The following OR11G2 variants were observed in gnomAD, a reference collection of about 807,000 sequenced individuals.
OR11G2 encodes the protein olfactory receptor 11G2.
In OR11G2, 2 loss-of-function variants were observed where a neutral mutation model predicts 0.9. That is an observed-to-expected ratio of 2.35 (90% CI 0.96 to 7.38). The LOEUF (loss-of-function observed/expected upper bound fraction) is 7.38, where lower values mean the gene tolerates loss of function less well. Ranked by LOEUF, OR11G2 falls within the 30% of genes most tolerant of loss-of-function variation. The pLI is 0.05. For missense variants in OR11G2, 395 were observed against 371.3 expected, an observed-to-expected ratio of 1.06 and a Z score of -0.52; for synonymous variants, 153 against 142.0, an observed-to-expected ratio of 1.08 and a Z score of -0.55.
chr14:20,197,733 C>A lies in OR11G2; in HGVS notation c.296C>A (p.Ser99Tyr), dbSNP rs2139113784. The part of the protein sequence containing the change: ...FLSDTKIISF[S>Y]GCFLQFYFFF... The stretch of plus-strand genomic sequence containing the variant: ...TCTGACACCAAGATCATCTCGTTCT[C>A]TGGCTGCTTCCTCCAGTTCTACTTT... The change falls in exon 2 of 2, where the codon TCT becomes TAT. Residue 99 changes from serine to tyrosine, a missense_variant. Ser to Tyr is a moderately radical substitution (Grantham distance 144). Transcript: ENST00000641879. The A allele has an allele frequency of 5.6e-6, 9 of 1,613,886 alleles. No individual in the cohort carries two copies. Among genetic ancestry groups the A allele is most frequent in the Non-Finnish European group, 7.6e-6 (9 of 1,179,982 alleles).
chr14:20,192,433 A>G (rs1298125289), intron 1 of OR11G2, among the ~76,000 whole-genome samples: 1 of 152,236 alleles, frequency 6.6e-6, no homozygotes, highest in Non-Finnish European at 1.5e-5. Context: ...ATTTCCCTCT[A>G]GCTCTGTCCT....
chr14:20,197,507 C>T lies in OR11G2; in HGVS notation c.70C>T (p.Pro24Ser). The change falls in exon 2 of 2, where the codon CCC (proline) becomes TCC (serine). Residue 24 changes from proline to serine, a missense_variant. Coordinates refer to ENST00000641879, the MANE Select transcript of OR11G2 (RefSeq NM_001386033.1). ...CTTCATCCTCCTGGGCTTCCCTTGC[C>T]CCAGGGAGGGGCAGATCCTCCTCTT... ...TGFILLGFPCPREGQILLFVL... is the reference protein window; with the variant it reads ...TGFILLGFPCSREGQILLFVL... 2 of 1,614,046 alleles carry T rather than the reference C, an allele frequency of 1.2e-6. No homozygotes were observed. The highest frequency in any genetic ancestry group is 4.5e-5 in the East Asian group (2 of 44,874).
At chr14:20,192,920 C>G (rs962171479) in intron 1 of OR11G2, among the ~76,000 whole-genome samples, 7 of 152,038 alleles carry the variant, frequency 4.6e-5, no homozygotes, top group Non-Finnish European at 8.8e-5. Context: ...GAAGGGTGTA[C>G]ATGTTATGTG....
intron 1 of OR11G2, among the ~76,000 whole-genome samples, chr14:20,196,847 C>T (rs1330989197): frequency 1.3e-5 from 2 of 152,190 alleles, no homozygotes; most frequent in African/African-American, 4.8e-5. Flanking sequence ...ATTGATTTGA[C>T]TGTGTTACTC....
At chr14:20,197,277 A>G in intron 1 of OR11G2, 157 bp from the exon 2 acceptor site, 1 of 923,754 alleles carries the variant, frequency 1.1e-6, no homozygotes, top group Non-Finnish European at 1.6e-6. Flanking sequence ...AAAAAAAGTG[A>G]CTATTGACAT....
Position 20,198,573 on chromosome 14 carries a change from C to CA in OR11G2, c.*206dup, listed in dbSNP as rs1280520819. On this transcript the variant is annotated 3_prime_UTR_variant, in exon 2 of 2. Transcript: ENST00000641879. ...GAAACCCTGTCTCTACTAAAAAATA[C>CA]AAAAAATTAGCCGGGCGTGGTGGCG... The CA allele has an allele frequency of 2.8e-5, 10 of 352,938 alleles. No individual in the cohort carries two copies. The East Asian group carries it at 4.7e-4, about 17-fold the overall frequency. The allele number at this position is 352,938 out of a possible 1,614,324, so 21.9% of individuals were successfully genotyped here.
intron 1 of OR11G2, among the ~76,000 whole-genome samples, chr14:20,194,462 C>A (rs1566352691): frequency 6.6e-6 from 1 of 152,102 alleles, no homozygotes; most frequent in Non-Finnish European, 1.5e-5. Context: ...GAAGGAGATA[C>A]TACATTGAAA....
Position 20,198,301 on chromosome 14 carries a change from G to A in OR11G2, c.864G>A (p.Leu288=), listed in dbSNP as rs2139115987. Residue 288 remains leucine (L), a synonymous_variant, in exon 2 of 2, where the codon CTG becomes CTA. Transcript: ENST00000641879. The stretch of plus-strand genomic sequence containing the variant: ...TGTTTTATTCTGTTGTTACCCCACT[G>A]CTTAACCCTGTGATATATAGTCTTA... ...VTLFYSVVTP[L]LNPVIYSLRN... is the part of the protein sequence containing the mutation. 6.2e-7 allele frequency: 1 copy of A among 1,612,582 alleles called. No homozygotes were observed. The highest frequency in any genetic ancestry group is 2.2e-5 in the East Asian group (1 of 44,878).
intron 1 of OR11G2, among the ~76,000 whole-genome samples, chr14:20,192,619 CTT>C (rs1879675680): frequency 6.6e-6 from 1 of 152,192 alleles, no homozygotes; most frequent in African/African-American, 2.4e-5. Flanking sequence ...TGAAGTCTCT[CTT>C]ATATATTTCA....
rs1426311821 is a variant in OR11G2 at position 20,197,859 on chromosome 14, C to A, written c.422C>A (p.Thr141Asn). The change falls in exon 2 of 2, where the codon ACC (threonine) becomes AAC (asparagine). Residue 141 changes from threonine to asparagine, a missense_variant. By Grantham distance (65) the Thr-to-Asn change is moderately conservative. Transcript: ENST00000641879. The stretch of plus-strand genomic sequence containing the variant: ...CCTCTACGCTATCCAACCATTATGA[C>A]CAGACGTCTCTGTACCAATCTTGTG... Reference protein sequence around the residue: ...CRPLRYPTIMTRRLCTNLVVN... With the variant: ...CRPLRYPTIMNRRLCTNLVVN... The A allele has an allele frequency of 6.2e-7, 1 of 1,614,112 alleles. No homozygotes were observed. Among genetic ancestry groups the A allele is most frequent in the South Asian group, 1.1e-5 (1 of 91,066 alleles).
At chr14:20,197,267 A>C in intron 1 of OR11G2, 167 bp from the exon 2 acceptor site, 1 of 883,164 alleles carries the variant, frequency 1.1e-6, no homozygotes, top group Non-Finnish European at 1.7e-6. Flanking sequence ...AGTTTAAAAG[A>C]AAAAAAGTGA....
intron 1 of OR11G2, among the ~76,000 whole-genome samples, chr14:20,195,767 T>C (rs1879739316): frequency 6.6e-6 from 1 of 152,194 alleles, no homozygotes; most frequent in Non-Finnish European, 1.5e-5. Context: ...AAAAATTTTT[T>C]TTCTCCTATC....
At chr14:20,195,088 C>T (rs1879724981) in intron 1 of OR11G2, among the ~76,000 whole-genome samples, 1 of 152,208 alleles carries the variant, frequency 6.6e-6, no homozygotes, top group Non-Finnish European at 1.5e-5. Context: ...CTATTCCACC[C>T]TATTCCCACC....
chr14:20,190,944 T>G lies in OR11G2; in HGVS notation c.-727T>G, dbSNP rs1459350787. The G allele has an allele frequency of 6.6e-6, 1 of 152,206 alleles. No individual in the cohort carries two copies. The highest frequency in any genetic ancestry group is 2.4e-5 in the African/African-American group (1 of 41,402). The allele number at this position is 152,206 out of a possible 1,614,324, so 9.4% of individuals were successfully genotyped here. On this transcript the variant is annotated 5_prime_UTR_variant, in exon 1 of 2. Coordinates refer to ENST00000641879, the MANE Select transcript of OR11G2 (RefSeq NM_001386033.1). ...ATCCTCCAGCAAACACCAAGAGACC[T>G]TCTCCCTATTTCTGCTCCTTCATTC...
At chr14:20,192,590 C>T (rs1879675042) in intron 1 of OR11G2, among the ~76,000 whole-genome samples, 1 of 152,228 alleles carries the variant, frequency 6.6e-6, no homozygotes, top group Non-Finnish European at 1.5e-5. Flanking sequence ...GGACAACACT[C>T]TAGTAGCCTA....
Position 20,198,597 on chromosome 14 carries a change from C to CAG in OR11G2, c.*224_*225insAG, listed in dbSNP as rs1328250209. The stretch of plus-strand genomic sequence containing the variant: ...ACAAAAAATTAGCCGGGCGTGGTGG[C>CAG]GGACGCCTGTAGTCCCAGCTACTCG... On this transcript the variant is annotated 3_prime_UTR_variant, in exon 2 of 2. Transcript: ENST00000641879. 1.1e-5 allele frequency: 3 copies of CAG among 284,498 alleles called. No homozygotes were observed. The highest frequency in any genetic ancestry group is 6.6e-5 in the African/African-American group (3 of 45,478). 17.6% of individuals were successfully genotyped at this position (284,498 alleles called of 1,614,324 possible). A position where few individuals can be genotyped will look rare whatever the true frequency, so the allele number is the denominator to read the frequency against.
At chr14:20,193,771 A>G (rs1465290917) in intron 1 of OR11G2, among the ~76,000 whole-genome samples, 1 of 152,226 alleles carries the variant, frequency 6.6e-6, no homozygotes, top group African/African-American at 2.4e-5. Flanking sequence ...GACAGAGACT[A>G]TAGAGCCCAT....
Position 20,197,459 on chromosome 14 carries a change from A to G in OR11G2, c.22A>G (p.Ser8Gly). MKIFNSP[S>G]NSSTFTGFIL... ...GCACATGAAAATCTTCAACAGCCCC[A>G]GCAACTCCAGCACCTTCACTGGCTT... The change falls in exon 2 of 2, where the codon AGC becomes GGC. Residue 8 changes from serine (S) to glycine (G), a missense_variant. Coordinates refer to ENST00000641879, the MANE Select transcript of OR11G2 (RefSeq NM_001386033.1). 1 of 1,613,994 alleles carries G rather than the reference A, an allele frequency of 6.2e-7. No homozygotes were observed. Among genetic ancestry groups the G allele is most frequent in the Non-Finnish European group, 8.5e-7 (1 of 1,180,024 alleles).
chr14:20,197,624 A>G lies in OR11G2; in HGVS notation c.187A>G (p.Met63Val). The G allele has an allele frequency of 1.2e-6, 2 of 1,614,132 alleles. No homozygotes were observed. The highest frequency in any genetic ancestry group is 1.3e-5 in the African/African-American group (1 of 75,040). ...CTGGGATCAGAGACTCCACGCCCCC[A>G]TGTACATCCTGCTCGCCAACTTCTC... ...VHWDQRLHAP[M>V]YILLANFSFL... Residue 63 changes from methionine to valine, a missense_variant, in exon 2 of 2, where the codon ATG becomes GTG. Met to Val is a conservative substitution (Grantham distance 21, BLOSUM62 1). Transcript: ENST00000641879.
Sources: allele counts gnomAD v4.1 joint callset (sites outside exome capture counted in the v4.1 genomes callset), GRCh38; gene constraint gnomAD v4.1.1; transcripts MANE v1.5; gene names NCBI Gene and HGNC (gene_info 2026-07-23, HGNC 2026-07-21).